Variants in STXBP5L observed in about 807,000 individuals in gnomAD.
The protein encoded by STXBP5L is syntaxin binding protein 5L, also known as syntaxin-binding protein 5-like.
A neutral mutation model predicts 144.5 loss-of-function variants in STXBP5L; 65 were observed. The ratio of observed to expected loss-of-function variants is 0.45; its 90% CI spans 0.37 to 0.55. The LOEUF is 0.55. Ranked by LOEUF, STXBP5L falls within the 20% of genes least tolerant of loss-of-function variation. The probability of loss-of-function intolerance (pLI) is 0.00; values close to 1 mark genes in which losing one functional copy is unlikely to be tolerated. For synonymous variants in STXBP5L, 505 were observed against 469.6 expected (o/e 1.08, Z -0.97); for missense variants, 1,298 against 1,405.5 (o/e 0.92, Z 1.22).
chr3:121,035,859 C>G (rs972647357), intron 3 of STXBP5L, among the ~76,000 whole-genome samples: 1 of 152,078 alleles, frequency 6.6e-6, no homozygotes, highest in African/African-American at 2.4e-5. Context: ...AATATTGAGT[C>G]TTGAACATCT....
At chr3:121,302,982 A>G (rs1479532437) in intron 19 of STXBP5L, among the ~76,000 whole-genome samples, 1 of 152,236 alleles carries the variant, frequency 6.6e-6, no homozygotes, top group Non-Finnish European at 1.5e-5. Context: ...CAAGGACTTC[A>G]TGTGTAAAAC....
At chr3:121,217,207 C>G (rs749481782) in intron 10 of STXBP5L, among the ~76,000 whole-genome samples, 1 of 152,168 alleles carries the variant, frequency 6.6e-6, no homozygotes, top group Admixed American at 6.6e-5. Context: ...GTCTTGCTGG[C>G]ATTCCAGGTG....
chr3:121,395,632 G>A (rs558051623), intron 22 of STXBP5L, among the ~76,000 whole-genome samples: 3 of 152,088 alleles, frequency 2.0e-5, no homozygotes, highest in Non-Finnish European at 4.4e-5. Context: ...TTACATCTAG[G>A]CATTATTGCC....
intron 19 of STXBP5L, among the ~76,000 whole-genome samples, chr3:121,313,812 C>T (rs1245241430): frequency 7.0e-5 from 10 of 142,504 alleles, no homozygotes; most frequent in African/African-American, 1.6e-4. Flanking sequence ...GGGTGGTTGC[C>T]GGACGGAGGG....
At chr3:121,017,412 TA>T (rs1210313856) in intron 3 of STXBP5L, among the ~76,000 whole-genome samples, 1 of 152,242 alleles carries the variant, frequency 6.6e-6, no homozygotes, top group Non-Finnish European at 1.5e-5. Context: ...GATTTCTATT[TA>T]ACATCTTAGT....
intron 3 of STXBP5L, among the ~76,000 whole-genome samples, chr3:120,959,929 T>A (rs1938557123): frequency 6.6e-6 from 1 of 152,066 alleles, no homozygotes; most frequent in Admixed American, 6.6e-5. Context: ...CTAAAGAGCT[T>A]CTACACAGCA....
intron 5 of STXBP5L, among the ~76,000 whole-genome samples, chr3:121,073,215 G>A (rs1429950405): frequency 3.9e-5 from 6 of 152,162 alleles, no homozygotes; most frequent in Admixed American, 3.9e-4. Flanking sequence ...CACACAATGG[G>A]GCTTTCCGTG....
intron 19 of STXBP5L, among the ~76,000 whole-genome samples, chr3:121,301,974 T>C (rs937693116): frequency 5.3e-5 from 8 of 152,298 alleles, no homozygotes; most frequent in African/African-American, 1.9e-4. Context: ...ATTTTTACAT[T>C]GATCTTCATC....
At chr3:121,290,365 C>T (rs2051387267) in intron 19 of STXBP5L, among the ~76,000 whole-genome samples, 1 of 152,062 alleles carries the variant, frequency 6.6e-6, no homozygotes. Context: ...GAAATAGAAA[C>T]TCTGAACCAA....
chr3:121,210,359 A>T (rs1360155047), intron 10 of STXBP5L, among the ~76,000 whole-genome samples: 2 of 151,664 alleles, frequency 1.3e-5, no homozygotes, highest in Admixed American at 6.6e-5. Context: ...GATTGCAAAA[A>T]TTTTCTCCCA....
intron 5 of STXBP5L, among the ~76,000 whole-genome samples, chr3:121,089,416 A>AATAG (rs2042665841): frequency 6.6e-6 from 1 of 151,690 alleles, no homozygotes; most frequent in Non-Finnish European, 1.5e-5. Flanking sequence ...TATACACCTG[A>AATAG]ATAGCATTCT....
chr3:121,058,452 T>G (rs1948603802), intron 5 of STXBP5L, among the ~76,000 whole-genome samples: 1 of 152,238 alleles, frequency 6.6e-6, no homozygotes. Flanking sequence ...GCATGTGTCT[T>G]TATAGTAGAA....
intron 6 of STXBP5L, among the ~76,000 whole-genome samples, chr3:121,115,627 G>A (rs1318684069): frequency 6.6e-6 from 1 of 152,120 alleles, no homozygotes; most frequent in African/African-American, 2.4e-5. Context: ...CAAGCCATCT[G>A]TATTCAGCCA....
rs528281306 is a variant in STXBP5L at position 121,053,056 on chromosome 3, T to A, written c.470+7521T>A. ...CCTTACAGGGACGTGAAGGACCTCT[T>A]CAAGGAGAACTACAAACCACTGCTC... is the stretch of plus-strand genomic sequence containing the variant. On this transcript the variant is annotated intron_variant, in intron 5 of 26. Coordinates refer to ENST00000471454, the MANE Select transcript of STXBP5L (RefSeq NM_001308330.2). 9.2e-5 allele frequency among the ~76,000 whole-genome samples: 14 copies of A among 152,246 alleles called. No individual in the cohort carries two copies. In the South Asian group the frequency reaches 2.9e-3, roughly 32 times the overall value.
chr3:120,927,151 G>C (rs898470322), intron 2 of STXBP5L, among the ~76,000 whole-genome samples: 1 of 152,088 alleles, frequency 6.6e-6, no homozygotes, highest in East Asian at 1.9e-4. Flanking sequence ...TAACCAGGAC[G>C]GTCTCAATCT....
intron 10 of STXBP5L, among the ~76,000 whole-genome samples, chr3:121,218,593 A>T (rs1326072382): frequency 1.3e-5 from 2 of 151,836 alleles, no homozygotes; most frequent in African/African-American, 4.8e-5. Context: ...CCCAGCCTTG[A>T]AGGGAGTAGG....
chr3:120,924,344 ATCT>A (rs1407899277), intron 2 of STXBP5L, among the ~76,000 whole-genome samples: 1 of 152,240 alleles, frequency 6.6e-6, no homozygotes, highest in African/African-American at 2.4e-5. Context: ...CAGTTACTAA[ATCT>A]ACAGGCATAA....
intron 10 of STXBP5L, among the ~76,000 whole-genome samples, chr3:121,206,331 A>C (rs2048334010): frequency 1.3e-5 from 2 of 152,204 alleles, no homozygotes; most frequent in Admixed American, 1.3e-4. Flanking sequence ...TTAATATTGC[A>C]TGTGAAAGAC....
chr3:121,318,546 C>A lies in STXBP5L; in HGVS notation c.2176+6C>A. ...CTGCAAGTCTCCTACCTCAGGTAAA[C>A]ATGAGTGGTATTTTGCAGACTTCTG... On this transcript the variant is annotated splice_donor_region_variant and intron_variant, in intron 20 of 26. Coordinates refer to ENST00000471454, the MANE Select transcript of STXBP5L (RefSeq NM_001308330.2). 6.5e-7 allele frequency: 1 copy of A among 1,537,436 alleles called. No homozygotes were observed. The highest frequency in any genetic ancestry group is 1.3e-5 in the South Asian group (1 of 76,540).
Sources: allele counts gnomAD v4.1 joint callset (sites outside exome capture counted in the v4.1 genomes callset), GRCh38; gene constraint gnomAD v4.1.1; transcripts MANE v1.5; gene names NCBI Gene and HGNC (gene_info 2026-07-23, HGNC 2026-07-21).